UBAP2: variants seen among roughly 807,000 people sequenced by gnomAD.
The protein encoded by UBAP2 is ubiquitin associated protein 2.
In UBAP2, 75 loss-of-function variants were observed where a neutral mutation model predicts 139.6. The ratio of observed to expected loss-of-function variants is 0.54; its 90% CI spans 0.45 to 0.65. UBAP2 has a LOEUF of 0.65. Among genes scored for constraint, UBAP2 ranks in the 30% least tolerant of loss-of-function variants. The probability of loss-of-function intolerance (pLI) is 0.00; values close to 1 mark genes in which losing one functional copy is unlikely to be tolerated. For synonymous variants in UBAP2, 526 were observed against 526.2 expected (o/e 1.00, Z 0.01); for missense variants, 1,368 against 1,369.6 (o/e 1.00, Z 0.02).
At chr9:33,960,904 G>A (rs1369904072) in intron 9 of UBAP2, 26 bp from the exon 10 acceptor site, 1 of 1,611,752 alleles carries the variant, frequency 6.2e-7, no homozygotes, top group Admixed American at 1.7e-5. Flanking sequence ...AGCAATCAAA[G>A]TTTATACCAC....
In UBAP2 at chr9:33,932,628, A is replaced by C; in HGVS notation, c.2109T>G (p.Ser703Arg). 6.2e-7 allele frequency: 1 copy of C among 1,613,988 alleles called. No individual in the cohort carries two copies. The highest frequency in any genetic ancestry group is 8.5e-7 in the Non-Finnish European group (1 of 1,179,992). Residue 703 changes from serine (S) to arginine (R), a missense_variant and splice_region_variant, in exon 19 of 29, where the codon AGT (serine) becomes AGG (arginine). Transcript: ENST00000379238. ...GGCTGCTCTGGTGGCTGGAGAGCGA[A>C]CTAGAAGACAAAACAGAGCGCCGTA... is the stretch of plus-strand genomic sequence containing the variant. ...LTSSPLSQLS[S>R]SLSSHQSSLS... is the part of the protein sequence containing the mutation.
intron 2 of UBAP2, among the ~76,000 whole-genome samples, chr9:33,999,422 C>G (rs1490637009): frequency 6.6e-6 from 1 of 151,676 alleles, no homozygotes; most frequent in East Asian, 1.9e-4. Context: ...AAACAACTGC[C>G]CAGACACAGG....
At chr9:33,954,269 T>TATACACACACACACACAC (rs370755129) in intron 11 of UBAP2, among the ~76,000 whole-genome samples, 5 of 139,810 alleles carry the variant, frequency 3.6e-5, no homozygotes, top group East Asian at 2.1e-4. Flanking sequence ...TGTGTGTATA[T>TATACACACACACACACAC]ACACACACAC....
chr9:33,976,231 A>G (rs182218773), intron 6 of UBAP2, among the ~76,000 whole-genome samples: 36 of 152,166 alleles, frequency 2.4e-4, no homozygotes, highest in Non-Finnish European at 4.4e-4. Flanking sequence ...CAAAACAAGG[A>G]AACTATTCTC....
At chr9:34,035,514 A>AAAAATATAT in intron 1 of UBAP2, among the ~76,000 whole-genome samples, 5 of 22,474 alleles carry the variant, frequency 2.2e-4, no homozygotes, top group South Asian at 9.6e-4. Context: ...AAAAAAAAAA[A>AAAAATATAT]ATATATATAT....
At chr9:34,045,342 CAA>C (rs1034842107) in intron 1 of UBAP2, among the ~76,000 whole-genome samples, 10 of 97,430 alleles carry the variant, frequency 1.0e-4, no homozygotes, top group Admixed American at 1.1e-4. Context: ...AGACTGTCTT[CAA>C]AAAAAAAAAA....
intron 1 of UBAP2, among the ~76,000 whole-genome samples, chr9:34,038,430 G>A (rs560739257): frequency 5.9e-5 from 9 of 152,306 alleles, no homozygotes; most frequent in South Asian, 2.1e-4. Flanking sequence ...TTGCAGGCGC[G>A]CGCCGCCACA....
intron 1 of UBAP2, among the ~76,000 whole-genome samples, chr9:34,029,957 A>G (rs1407856617): frequency 6.7e-6 from 1 of 150,292 alleles, no homozygotes; most frequent in African/African-American, 2.5e-5. Context: ...ACTGCACTCC[A>G]GCCTGGGTGA....
chr9:34,009,053 A>G (rs1823507494), intron 2 of UBAP2, among the ~76,000 whole-genome samples: 2 of 150,938 alleles, frequency 1.3e-5, no homozygotes. Context: ...CTTTTTTACA[A>G]CTCTTAAAAT....
chr9:33,990,105 T>A (rs1277242738), intron 4 of UBAP2, among the ~76,000 whole-genome samples: 2 of 152,060 alleles, frequency 1.3e-5, no homozygotes, highest in African/African-American at 4.8e-5. Flanking sequence ...TACTACATTC[T>A]TGACTATAAG....
At chr9:34,020,865 T>C (rs1167663670) in intron 1 of UBAP2, among the ~76,000 whole-genome samples, 2 of 151,920 alleles carry the variant, frequency 1.3e-5, no homozygotes, top group African/African-American at 2.4e-5. Context: ...GGTTTCACCG[T>C]GTTAGCCAGG....
At chr9:34,029,005 A>G (rs1825655628) in intron 1 of UBAP2, among the ~76,000 whole-genome samples, 1 of 151,986 alleles carries the variant, frequency 6.6e-6, no homozygotes, top group East Asian at 1.9e-4. Flanking sequence ...AATCCCACCC[A>G]TTCAGGAGGT....
intron 10 of UBAP2, 101 bp from the exon 11 acceptor site, chr9:33,956,247 C>T (rs999616719): frequency 5.2e-5 from 37 of 705,830 alleles, no homozygotes; most frequent in Middle Eastern, 7.5e-4. Context: ...TCTTACACTT[C>T]GCATAACAGC....
chr9:33,990,601 C>A lies in UBAP2; in HGVS notation c.289-1475G>T, dbSNP rs543690578. On this transcript the variant is annotated intron_variant, in intron 4 of 28. Coordinates refer to ENST00000379238, the MANE Select transcript of UBAP2 (RefSeq NM_001370062.2). ...TCTGGTGAGCATGCATCTATTGTAA[C>A]CTTTCTAGAAGGTTACTTAGAAATA... Among the ~76,000 whole-genome samples, 43 of 150,962 alleles carry A rather than the reference C, an allele frequency of 2.8e-4. No homozygotes were observed. In the East Asian group the frequency reaches 7.2e-3, roughly 25 times the overall value.
At chr9:33,924,894 T>G (rs1025143541) in intron 22 of UBAP2, among the ~76,000 whole-genome samples, 1 of 152,204 alleles carries the variant, frequency 6.6e-6, no homozygotes, top group Non-Finnish European at 1.5e-5. Flanking sequence ...ACATGAAATT[T>G]GTTTGCAATT....
At chr9:33,988,816 T>C (rs1422302426) in intron 5 of UBAP2, among the ~76,000 whole-genome samples, 157 bp downstream of exon 5, 1 of 152,212 alleles carries the variant, frequency 6.6e-6, no homozygotes, top group Admixed American at 6.5e-5. Flanking sequence ...TATGGACTAA[T>C]CTTTCAGTCG....
chr9:34,024,426 A>C (rs1825233951), intron 1 of UBAP2, among the ~76,000 whole-genome samples: 1 of 152,172 alleles, frequency 6.6e-6, no homozygotes, highest in African/African-American at 2.4e-5. Flanking sequence ...TGCATGCTTA[A>C]ATAAATTCAG....
At chr9:33,929,626 A>T (rs1823785247) in intron 19 of UBAP2, among the ~76,000 whole-genome samples, 1 of 152,234 alleles carries the variant, frequency 6.6e-6, no homozygotes, top group Non-Finnish European at 1.5e-5. Flanking sequence ...AGGGAAAAAT[A>T]CCTGTACTTC....
chr9:33,944,668 G>A lies in UBAP2; in HGVS notation c.1271-29C>T, dbSNP rs74797052. On this transcript the variant is annotated intron_variant, in intron 13 of 28. Coordinates refer to ENST00000379238, the MANE Select transcript of UBAP2 (RefSeq NM_001370062.2). ...AAAAAAGTAAGCAGCAATTAATGAG[G>A]CATAATGGCTTCACAATGTTCTTCA... The A allele has an allele frequency of 1.5e-3, 2,389 of 1,603,194 alleles. 21 individuals are homozygous for A. In the African/African-American group the frequency reaches 0.025, roughly 17 times the overall value.
Sources: gnomAD v4.1 joint callset for allele counts (sites outside exome capture counted in the v4.1 genomes callset) on GRCh38, gnomAD v4.1.1 for gene constraint, MANE v1.5 for transcripts, NCBI Gene and HGNC (gene_info 2026-07-23, HGNC 2026-07-21) for gene names.